Variants in TRIM35 observed in about 807,000 individuals in gnomAD.
TRIM35 encodes E3 ubiquitin-protein ligase TRIM35.
Under a neutral mutation model 49.1 loss-of-function variants are expected in TRIM35, and 37 were observed. That is an observed-to-expected ratio of 0.75 (90% CI 0.58 to 0.99). The LOEUF (loss-of-function observed/expected upper bound fraction) is 0.99, where lower values mean the gene tolerates loss of function less well. Ranked by LOEUF, TRIM35 falls within the 50% of genes least tolerant of loss-of-function variation. The probability of loss-of-function intolerance (pLI) is 0.00; values close to 1 mark genes in which losing one functional copy is unlikely to be tolerated. For synonymous variants in TRIM35, 302 were observed against 289.3 expected, an observed-to-expected ratio of 1.04 and a Z score of -0.45; for missense variants, 648 against 702.7, an observed-to-expected ratio of 0.92 and a Z score of 0.88.
Position 27,287,650 on chromosome 8 carries a change from C to T in TRIM35, c.1382G>A (p.Arg461His), listed in dbSNP as rs748533193. The change falls in exon 6 of 6, where the codon CGC (arginine) becomes CAC (histidine). Residue 461 changes from arginine (R) to histidine (H), a missense_variant. Arg to His is a conservative substitution (Grantham distance 29). Transcript: ENST00000305364. This position sits in a 1 kb window ranked among gnomAD's most constrained non-coding sequence, Gnocchi z 6.0. ...TGCACCCCCCAGGTAGAAGTAGGGG[C>T]GAACCTCCCCAAAGCGGGCGTGGAA... ...YTFHARFGEV[R>H]PYFYLGGARG... The T allele has an allele frequency of 2.5e-6, 4 of 1,609,586 alleles. No individual in the cohort carries two copies. The highest frequency in any genetic ancestry group is 1.7e-5 in the Admixed American group (1 of 59,410).
At chr8:27,294,417 G>A in intron 2 of TRIM35, 107 bp from the exon 3 acceptor site, 1 of 1,012,772 alleles carries the variant, frequency 9.9e-7, no homozygotes, top group South Asian at 1.7e-5. Flanking sequence ...AATAAATCAT[G>A]TATAGAACCC....
At position 27,310,828 on chromosome 8, in the gene TRIM35, C is replaced by T. The variant is rs748154014; in HGVS notation, c.408G>A (p.Pro136=). 6.2e-7 allele frequency: 1 copy of T among 1,606,146 alleles called. No homozygotes were observed. Among genetic ancestry groups the T allele is most frequent in the East Asian group, 2.2e-5 (1 of 44,612 alleles). ...DPRHQGHRVQ[P]VKDTAHDFRA... ...GAAAGTCGTGGGCAGTGTCCTTCAC[C>T]GGCTGCACGCGGTGCCCCTGGTGTC... The change falls in exon 1 of 6, where the codon CCG becomes CCA. Residue 136 remains proline (P), a synonymous_variant. Coordinates refer to ENST00000305364, the MANE Select transcript of TRIM35 (RefSeq NM_171982.5).
In TRIM35 at chr8:27,286,027, C is replaced by T. The variant is rs1433678976; in HGVS notation, c.*1523G>A. The T allele has an allele frequency of 8.4e-5, 38 of 452,100 alleles. 2 individuals are homozygous for T. The highest frequency in any genetic ancestry group is 1.9e-4 in the South Asian group (12 of 64,006). The allele number at this position is 452,100 out of a possible 1,614,324, so 28.0% of individuals were successfully genotyped here. A position where few individuals can be genotyped will look rare whatever the true frequency, so the allele number is the denominator to read the frequency against. On this transcript the variant is annotated 3_prime_UTR_variant, in exon 6 of 6. Coordinates refer to ENST00000305364, the MANE Select transcript of TRIM35 (RefSeq NM_171982.5). ...ACAACATATTTATAACCAATTAATA[C>T]GTGTGAGTCATGATTTGTTTAAAAT... is the stretch of plus-strand genomic sequence containing the variant.
intron 1 of TRIM35, among the ~76,000 whole-genome samples, chr8:27,298,769 C>T (rs546763433): frequency 6.6e-6 from 1 of 152,276 alleles, no homozygotes; most frequent in African/African-American, 2.4e-5. Flanking sequence ...GATAAAGAGC[C>T]CTCAGACATC....
At position 27,311,119 on chromosome 8, in the gene TRIM35, G is replaced by A. The variant is rs1423880309; in HGVS notation, c.117C>T (p.Asn39=). ...RDAVTLRCGH[N]FCRGCVSRCW... is the part of the protein sequence containing the mutation. ...AGCGGCTCACGCACCCGCGGCAGAA[G>A]TTGTGGCCGCAGCGCAGAGTGACTG... Residue 39 remains asparagine, a synonymous_variant, in exon 1 of 6, where the codon AAC becomes AAT. Transcript: ENST00000305364. 5.0e-6 allele frequency: 8 copies of A among 1,600,924 alleles called. No homozygotes were observed. Among genetic ancestry groups the A allele is most frequent in the Non-Finnish European group, 6.8e-6 (8 of 1,175,118 alleles).
At chr8:27,301,311 C>A (rs550352546) in intron 1 of TRIM35, among the ~76,000 whole-genome samples, 5 of 152,156 alleles carry the variant, frequency 3.3e-5, no homozygotes, top group African/African-American at 4.8e-5. Context: ...GAGGAGGTAA[C>A]CTTCTTGTAC....
intron 2 of TRIM35, among the ~76,000 whole-genome samples, chr8:27,294,981 C>A (rs1319006567): frequency 6.6e-6 from 1 of 152,082 alleles, no homozygotes; most frequent in East Asian, 1.9e-4. Context: ...CGCCACCACG[C>A]CCAGCTAATT....
At chr8:27,304,958 C>G (rs1274138759) in intron 1 of TRIM35, 2 of 370,328 alleles carry the variant, frequency 5.4e-6, no homozygotes, top group Non-Finnish European at 1.0e-5. Flanking sequence ...GCCAAGAGTT[C>G]TGGCACCTGG....
rs780992660 is a variant in TRIM35 at position 27,287,720 on chromosome 8, C to T, written c.1312G>A (p.Glu438Lys). The change falls in exon 6 of 6, where the codon GAG (glutamate) becomes AAG (lysine). Residue 438 changes from glutamate to lysine, a missense_variant. Coordinates refer to ENST00000305364, the MANE Select transcript of TRIM35 (RefSeq NM_171982.5). The surrounding 1 kb of genome is among the most constrained non-coding windows in gnomAD (Gnocchi z 6.0). ...CGCTCCGCGTCATAGAAAGACAGCT[C>T]GCCCTCCTCACACTCCAGCTCCACA... ...LRVELECEEG[E>K]LSFYDAERHC... The T allele has an allele frequency of 1.2e-6, 2 of 1,610,338 alleles. No individual in the cohort carries two copies. The highest frequency in any genetic ancestry group is 1.7e-6 in the Non-Finnish European group (2 of 1,178,634).
At position 27,288,041 on chromosome 8, in the gene TRIM35, C is replaced by A. The variant is rs982753049; in HGVS notation, c.991G>T (p.Val331Leu). ...LTSVTNHGYR[V>L]QVENPERFSS... ...AAGCGTTCCGGGTTCTCCACCTGCA[C>A]GCGGTAGCCATGGTTGGTGACGCTG... Residue 331 changes from valine (V) to leucine (L), a missense_variant, in exon 6 of 6, where the codon GTG becomes TTG. Physicochemically the swap from Val to Leu is conservative, Grantham distance 32. Coordinates refer to ENST00000305364, the MANE Select transcript of TRIM35 (RefSeq NM_171982.5). 6.2e-6 allele frequency: 10 copies of A among 1,613,422 alleles called. No individual in the cohort carries two copies. The highest frequency in any genetic ancestry group is 8.5e-6 in the Non-Finnish European group (10 of 1,180,030).
At chr8:27,293,009 T>TG (rs57262454) in intron 3 of TRIM35, among the ~76,000 whole-genome samples, 13,981 of 152,096 alleles carry the variant, frequency 0.092, 726 homozygotes, top group Middle Eastern at 0.13. Context: ...TTTTCTTTTT[T>TG]TTTTTTCTTC....
chr8:27,306,569 C>T (rs1482623065), intron 1 of TRIM35, among the ~76,000 whole-genome samples: 1 of 152,176 alleles, frequency 6.6e-6, no homozygotes, highest in Non-Finnish European at 1.5e-5. Flanking sequence ...CGTGATCTGC[C>T]TGCCTCGGCC....
rs1275245783 is a variant in TRIM35, at chr8:27,311,116, G to T, written c.120C>A (p.Phe40Leu). The change falls in exon 1 of 6, where the codon TTC (phenylalanine) becomes TTA (leucine). Residue 40 changes from phenylalanine (F) to leucine (L), a missense_variant. Physicochemically the swap from Phe to Leu is conservative, Grantham distance 22. Transcript: ENST00000305364. ...DAVTLRCGHN[F>L]CRGCVSRCWE... ...AGCAGCGGCTCACGCACCCGCGGCA[G>T]AAGTTGTGGCCGCAGCGCAGAGTGA... 2 of 1,600,780 alleles carry T rather than the reference G, an allele frequency of 1.2e-6. No homozygotes were observed. The highest frequency in any genetic ancestry group is 4.5e-5 in the East Asian group (2 of 44,346).
In TRIM35 at chr8:27,288,127, A is replaced by C; in HGVS notation, c.905T>G (p.Val302Gly). The change falls in exon 6 of 6, where the codon GTA becomes GGA. Residue 302 changes from valine (V) to glycine (G), a missense_variant and splice_region_variant. Physicochemically the swap from Val to Gly is moderately radical, Grantham distance 109. Coordinates refer to ENST00000305364, the MANE Select transcript of TRIM35 (RefSeq NM_171982.5). ...GGTGTTGGGGTCAAAGCTGAAGGGT[A>C]CTGCAAGCAGAGGCGGAAATGGGGA... is the stretch of plus-strand genomic sequence containing the variant. ...WKKMLASVES[V>G]PFSFDPNTAA... The C allele has an allele frequency of 6.3e-7, 1 of 1,598,498 alleles. No homozygotes were observed. The highest frequency in any genetic ancestry group is 8.5e-7 in the Non-Finnish European group (1 of 1,175,628).
At chr8:27,304,329 A>C (rs1802739549) in intron 1 of TRIM35, among the ~76,000 whole-genome samples, 1 of 152,228 alleles carries the variant, frequency 6.6e-6, no homozygotes, top group South Asian at 2.1e-4. Context: ...GTCTGGCCTG[A>C]GCCAGGTTTT....
At chr8:27,294,009 G>C in intron 3 of TRIM35, 71 bp downstream of exon 3, 1 of 1,504,694 alleles carries the variant, frequency 6.6e-7, no homozygotes, top group Non-Finnish European at 9.0e-7. Context: ...GCCAGGGCTG[G>C]TGGGCTATGG....
intron 1 of TRIM35, 87 bp from the exon 2 acceptor site, chr8:27,298,646 G>A (rs1563441968): frequency 9.3e-7 from 1 of 1,073,452 alleles, no homozygotes; most frequent in South Asian, 1.3e-5. Flanking sequence ...TTACAACTGG[G>A]ACTCCACTTC....
intron 2 of TRIM35, 148 bp downstream of exon 2, chr8:27,298,316 C>T (rs539355234): frequency 2.5e-5 from 17 of 679,858 alleles, no homozygotes; most frequent in South Asian, 1.8e-4. Context: ...GCATCCAGGA[C>T]GTGGCTGCAC....
At chr8:27,301,394 T>C (rs1802679808) in intron 1 of TRIM35, among the ~76,000 whole-genome samples, 1 of 152,216 alleles carries the variant, frequency 6.6e-6, no homozygotes, top group Admixed American at 6.5e-5. Flanking sequence ...TGGGCCACCA[T>C]ATGTGTCTTC....
Sources: allele counts gnomAD v4.1 joint callset (sites outside exome capture counted in the v4.1 genomes callset), GRCh38; gene constraint gnomAD v4.1.1; non-coding constraint Gnocchi (gnomAD v3.1); transcripts MANE v1.5; gene names NCBI Gene and HGNC (gene_info 2026-07-23, HGNC 2026-07-21).